The following LHX5 variants were observed in gnomAD, a reference collection of about 807,000 sequenced individuals.
The protein encoded by LHX5 is LIM/homeobox protein Lhx5.
A neutral mutation model predicts 30.6 loss-of-function variants in LHX5; 5 were observed. The ratio of observed to expected loss-of-function variants is 0.16; its 90% CI spans 0.09 to 0.34. LHX5 has a LOEUF of 0.34. LHX5 is among the 10% of genes least tolerant of loss of function. LHX5 has a pLI of 1.00. For synonymous variants in LHX5, 266 were observed against 252.6 expected (o/e 1.05, Z -0.50); for missense variants, 458 against 570.6 (o/e 0.80, Z 2.01).
At position 113,467,432 on chromosome 12, in the gene LHX5, G is replaced by A. The variant is rs1186479815; in HGVS notation, c.676-11C>T. 1 of 1,514,260 alleles carries A rather than the reference G, an allele frequency of 6.6e-7. No homozygotes were observed. The highest frequency in any genetic ancestry group is 8.9e-7 in the Non-Finnish European group (1 of 1,122,224). The allele number at this position is 1,514,260 out of a possible 1,614,324, so 93.8% of individuals were successfully genotyped here. On this transcript the variant is annotated splice_polypyrimidine_tract_variant and intron_variant, in intron 3 of 4. Transcript: ENST00000261731. This position sits in a 1 kb window ranked among gnomAD's most constrained non-coding sequence, Gnocchi z 6.3. ...GTTCTGAAACCACACCTGGGACAGAGGAGGGGGCTGTGAACCCAGGATCAG... is the reference window on the plus strand; with the variant it reads ...GTTCTGAAACCACACCTGGGACAGAAGAGGGGGCTGTGAACCCAGGATCAG...
chr12:113,467,156 G>T lies in LHX5; in HGVS notation c.841+100C>A, dbSNP rs1213529973. ...GTGATCGTGTGTCCAGCGAGTGGGC[G>T]ATGTTCTGGAGCGGCGGAAAGCGTG... is the stretch of plus-strand genomic sequence containing the variant. On this transcript the variant is annotated intron_variant, in intron 4 of 4. Coordinates refer to ENST00000261731, the MANE Select transcript of LHX5 (RefSeq NM_022363.3). This position sits in a 1 kb window ranked among gnomAD's most constrained non-coding sequence, Gnocchi z 6.3. The T allele has an allele frequency of 2.5e-6, 3 of 1,197,492 alleles. No individual in the cohort carries two copies. The highest frequency in any genetic ancestry group is 5.7e-5 in the East Asian group (2 of 35,134). The allele number at this position is 1,197,492 out of a possible 1,614,324, so 74.2% of individuals were successfully genotyped here. A position where few individuals can be genotyped will look rare whatever the true frequency, so the allele number is the denominator to read the frequency against.
Position 113,466,645 on chromosome 12 carries a change from C to G in LHX5, c.841+611G>C, listed in dbSNP as rs1007633311. Among the ~76,000 whole-genome samples the G allele has an allele frequency of 5.3e-5, 8 of 152,194 alleles. No individual in the cohort carries two copies. The highest frequency in any genetic ancestry group is 4.1e-4 in the South Asian group (2 of 4,832). On this transcript the variant is annotated intron_variant, in intron 4 of 4. Transcript: ENST00000261731. This position sits in a 1 kb window ranked among gnomAD's most constrained non-coding sequence, Gnocchi z 6.5. ...TGGGCTAACACTGCCAGATGCTGTG[C>G]GCACACACCCCGCCACATGGAACAG... is the stretch of plus-strand genomic sequence containing the variant.
chr12:113,470,343 G>A (rs542591167), intron 1 of LHX5, among the ~76,000 whole-genome samples: 6 of 152,194 alleles, frequency 3.9e-5, no homozygotes, highest in Non-Finnish European at 8.8e-5. Flanking sequence ...GCCTTATCCG[G>A]CAGCGTAATT....
rs1012790818 is a variant in LHX5 at position 113,471,787 on chromosome 12, C to T, written c.-289G>A. On this transcript the variant is annotated 5_prime_UTR_variant, in exon 1 of 5. Transcript: ENST00000261731. ...AGGTATCTCGGGTGGCTGCTGGCCT[C>T]GGCGCTGCGGAGCGGCTTTCCCCGG... The T allele has an allele frequency of 5.2e-5, 21 of 405,704 alleles. No homozygotes were observed. Among genetic ancestry groups the T allele is most frequent in the Non-Finnish European group, 8.3e-5 (19 of 229,158 alleles). The allele number at this position is 405,704 out of a possible 1,614,324, so 25.1% of individuals were successfully genotyped here.
chr12:113,469,617 G>C (rs1958235357), intron 1 of LHX5, among the ~76,000 whole-genome samples: 1 of 152,206 alleles, frequency 6.6e-6, no homozygotes, highest in South Asian at 2.1e-4. Flanking sequence ...CTTCAGCCAA[G>C]AAGAGAGCCC....
Position 113,463,634 on chromosome 12 carries a change from GGGGACCCGGGC to G in LHX5, c.842-88_842-78del. 2 of 1,416,812 alleles carry G rather than the reference GGGGACCCGGGC, an allele frequency of 1.4e-6. No homozygotes were observed. Among genetic ancestry groups the G allele is most frequent in the Non-Finnish European group, 1.9e-6 (2 of 1,077,486 alleles). 87.8% of individuals were successfully genotyped at this position (1,416,812 alleles called of 1,614,324 possible). A position where few individuals can be genotyped will look rare whatever the true frequency, so the allele number is the denominator to read the frequency against. ...AGGCGGGGGACCCGGGACCCGGGGA[GGGGACCCGGGC>G]GGGCGAGAGAGGGGAGCGCGCGACA... On this transcript the variant is annotated intron_variant, in intron 4 of 4. Coordinates refer to ENST00000261731, the MANE Select transcript of LHX5 (RefSeq NM_022363.3). The surrounding 1 kb of genome is among the most constrained non-coding windows in gnomAD (Gnocchi z 6.7).
chr12:113,470,009 C>T (rs1593329049), intron 1 of LHX5, among the ~76,000 whole-genome samples: 3 of 152,366 alleles, frequency 2.0e-5, no homozygotes, highest in East Asian at 3.9e-4. Context: ...GGATGAGTTT[C>T]AGCCCCCCTA....
rs193155438 is a variant in LHX5, at chr12:113,466,293, A to G, written c.841+963T>C. Among the ~76,000 whole-genome samples the G allele has an allele frequency of 3.9e-5, 6 of 152,324 alleles. No homozygotes were observed. The highest frequency in any genetic ancestry group is 3.9e-4 in the Admixed American group (6 of 15,302). On this transcript the variant is annotated intron_variant, in intron 4 of 4. Transcript: ENST00000261731. The surrounding 1 kb of genome is among the most constrained non-coding windows in gnomAD (Gnocchi z 6.5). ...AGCCCTCAGCCCTGGGAAGAACAGG[A>G]CAGTGAGCTTGGTGAGCTCAAGCAA...
chr12:113,471,674 C>T lies in LHX5; in HGVS notation c.-176G>A. 2 of 628,808 alleles carry T rather than the reference C, an allele frequency of 3.2e-6. No homozygotes were observed. Among genetic ancestry groups the T allele is most frequent in the Admixed American group, 3.3e-5 (1 of 30,320 alleles). The allele number at this position is 628,808 out of a possible 1,614,324, so 39.0% of individuals were successfully genotyped here. On this transcript the variant is annotated 5_prime_UTR_variant, in exon 1 of 5. Coordinates refer to ENST00000261731, the MANE Select transcript of LHX5 (RefSeq NM_022363.3). Reference sequence around the variant, plus strand: ...GGGCAATCTCTGGCCTGGCGCTGGGCTGCCCGGAGTGGGGTGGTGGGGGGC... The same window carrying T: ...GGGCAATCTCTGGCCTGGCGCTGGGTTGCCCGGAGTGGGGTGGTGGGGGGC...
In LHX5 at chr12:113,462,981, G is replaced by C; in HGVS notation, c.*209C>G. ...GGGAGAGTACTGGCGGTGGGCTGAG[G>C]CTCCTGGAGAGCCCGCGGGGTGGAG... On this transcript the variant is annotated 3_prime_UTR_variant, in exon 5 of 5. Coordinates refer to ENST00000261731, the MANE Select transcript of LHX5 (RefSeq NM_022363.3). 3.9e-6 allele frequency: 2 copies of C among 514,512 alleles called. No individual in the cohort carries two copies. The highest frequency in any genetic ancestry group is 6.8e-6 in the Non-Finnish European group (2 of 294,964). 31.9% of individuals were successfully genotyped at this position (514,512 alleles called of 1,614,324 possible).
rs982633060 is a variant in LHX5, at chr12:113,463,259, G to A, written c.1140C>T (p.Ser380=). 2.0e-6 allele frequency: 3 copies of A among 1,526,310 alleles called. No individual in the cohort carries two copies. In the African/African-American group the frequency reaches 4.3e-5, roughly 22 times the overall value. The allele number at this position is 1,526,310 out of a possible 1,614,324, so 94.5% of individuals were successfully genotyped here. A position where few individuals can be genotyped will look rare whatever the true frequency, so the allele number is the denominator to read the frequency against. ...SGGPSPPFPM[S]GTSGYSGPLS... The stretch of plus-strand genomic sequence containing the variant: ...GGGGTCCGCTGTAGCCGCTGGTGCC[G>A]CTCATTGGGAAGGGCGGGCTGGGCC... Residue 380 remains serine (S), a synonymous_variant, in exon 5 of 5, where the codon AGC becomes AGT. Coordinates refer to ENST00000261731, the MANE Select transcript of LHX5 (RefSeq NM_022363.3). The surrounding 1 kb of genome is among the most constrained non-coding windows in gnomAD (Gnocchi z 6.7).
In LHX5 at chr12:113,467,978, T is replaced by A. The variant is rs1593328247; in HGVS notation, c.675+149A>T. On this transcript the variant is annotated intron_variant, in intron 3 of 4. Transcript: ENST00000261731. This position sits in a 1 kb window ranked among gnomAD's most constrained non-coding sequence, Gnocchi z 6.3. ...ATCTTTCGGTTCACAGTCCCCGACC[T>A]CGGGCAAGTGCCCCACTCGGGCGCA... 7.0e-6 allele frequency: 8 copies of A among 1,138,446 alleles called. No individual in the cohort carries two copies. In the East Asian group the frequency reaches 2.1e-4, roughly 30 times the overall value. 70.5% of individuals were successfully genotyped at this position (1,138,446 alleles called of 1,614,324 possible). A position where few individuals can be genotyped will look rare whatever the true frequency, so the allele number is the denominator to read the frequency against.
Position 113,465,306 on chromosome 12 carries a change from C to T in LHX5, c.842-1749G>A, listed in dbSNP as rs147042969. 0.023 allele frequency among the ~76,000 whole-genome samples: 3,514 copies of T among 152,316 alleles called. 55 individuals carry two copies. The highest frequency in any genetic ancestry group is 0.05 in the South Asian group (239 of 4,828). ...ACAGGGATGGGAGACGGCCGCGGCC[C>T]GCGGCGAGCCGGAAAACCAGCGAAG... On this transcript the variant is annotated intron_variant, in intron 4 of 4. Coordinates refer to ENST00000261731, the MANE Select transcript of LHX5 (RefSeq NM_022363.3). This position sits in a 1 kb window ranked among gnomAD's most constrained non-coding sequence, Gnocchi z 6.7.
chr12:113,465,010 G>A lies in LHX5; in HGVS notation c.842-1453C>T, dbSNP rs1958204074. Among the ~76,000 whole-genome samples, 2 of 152,080 alleles carry A rather than the reference G, an allele frequency of 1.3e-5. No individual in the cohort carries two copies. The highest frequency in any genetic ancestry group is 1.3e-4 in the Admixed American group (2 of 15,280). On this transcript the variant is annotated intron_variant, in intron 4 of 4. Coordinates refer to ENST00000261731, the MANE Select transcript of LHX5 (RefSeq NM_022363.3). This position sits in a 1 kb window ranked among gnomAD's most constrained non-coding sequence, Gnocchi z 6.7. ...CGCTTTGTACGGCGGGAAAACCAGC[G>A]AGTCCAGAAGCCTGAGTCTCTTCTG...
Position 113,468,376 on chromosome 12 carries a change from G to C in LHX5, c.426C>G (p.Ser142=). 1 of 1,613,962 alleles carries C rather than the reference G, an allele frequency of 6.2e-7. No individual in the cohort carries two copies. The highest frequency in any genetic ancestry group is 1.1e-5 in the South Asian group (1 of 91,052). The part of the protein sequence containing the change: ...SVSSCTDRSL[S]PDLQDALQDD... ...CCTGCAGTGCGTCCTGGAGGTCCGG[G>C]GACAAACTGCGGTCCGTACAGGATG... The change falls in exon 3 of 5, where the codon TCC becomes TCG. Residue 142 remains serine, a synonymous_variant. Coordinates refer to ENST00000261731, the MANE Select transcript of LHX5 (RefSeq NM_022363.3).
In LHX5 at chr12:113,466,114, G is replaced by A. The variant is rs1172293653; in HGVS notation, c.841+1142C>T. Among the ~76,000 whole-genome samples, 1 of 152,186 alleles carries A rather than the reference G, an allele frequency of 6.6e-6. No homozygotes were observed. Among genetic ancestry groups the A allele is most frequent in the Non-Finnish European group, 1.5e-5 (1 of 68,044 alleles). On this transcript the variant is annotated intron_variant, in intron 4 of 4. Transcript: ENST00000261731. The surrounding 1 kb of genome is among the most constrained non-coding windows in gnomAD (Gnocchi z 6.5). Reference sequence around the variant, plus strand: ...TACCTGGGTGCCTAGCTCCTGCCTTGCTAACACTGCCACTGAACCCACTTT... The same window carrying A: ...TACCTGGGTGCCTAGCTCCTGCCTTACTAACACTGCCACTGAACCCACTTT...
intron 2 of LHX5, 80 bp downstream of exon 2, chr12:113,469,042 G>T: frequency 9.3e-7 from 1 of 1,076,976 alleles, no homozygotes; most frequent in Non-Finnish European, 1.3e-6. Context: ...AGCACACCGG[G>T]GGCCAAGTAG....
Position 113,463,583 on chromosome 12 carries a change from C to T in LHX5, c.842-26G>A. On this transcript the variant is annotated intron_variant, in intron 4 of 4. Coordinates refer to ENST00000261731, the MANE Select transcript of LHX5 (RefSeq NM_022363.3). The surrounding 1 kb of genome is among the most constrained non-coding windows in gnomAD (Gnocchi z 6.7). ...CTGCGGAGGGGGAGCGGGAAGGAGA[C>T]AGGGCGCGGTGAGAGAAGGCGAAGT... 1 of 1,492,894 alleles carries T rather than the reference C, an allele frequency of 6.7e-7. No individual in the cohort carries two copies. The highest frequency in any genetic ancestry group is 1.4e-5 in the African/African-American group (1 of 70,002). 92.5% of individuals were successfully genotyped at this position (1,492,894 alleles called of 1,614,324 possible).
At position 113,464,337 on chromosome 12, in the gene LHX5, C is replaced by G. The variant is rs1276632624; in HGVS notation, c.842-780G>C. Among the ~76,000 whole-genome samples, 1 of 152,118 alleles carries G rather than the reference C, an allele frequency of 6.6e-6. No homozygotes were observed. Among genetic ancestry groups the G allele is most frequent in the African/African-American group, 2.4e-5 (1 of 41,434 alleles). ...GGACAAACCAGCGGACAGAGCAGAG[C>G]GCGAAATGGTTGAGACCGGGAAGCG... On this transcript the variant is annotated intron_variant, in intron 4 of 4. Coordinates refer to ENST00000261731, the MANE Select transcript of LHX5 (RefSeq NM_022363.3). The surrounding 1 kb of genome is among the most constrained non-coding windows in gnomAD (Gnocchi z 6.2).
Sources: allele counts gnomAD v4.1 joint callset (sites outside exome capture counted in the v4.1 genomes callset), GRCh38; gene constraint gnomAD v4.1.1; non-coding constraint Gnocchi (gnomAD v3.1); transcripts MANE v1.5; gene names NCBI Gene and HGNC (gene_info 2026-07-23, HGNC 2026-07-21).